BBS9: variants seen among roughly 807,000 people sequenced by gnomAD.
BBS9 encodes the protein protein PTHB1.
BBS9 carries 89 observed loss-of-function variants against 117.7 expected under a neutral mutation model. That is an observed-to-expected ratio of 0.76 (90% CI 0.64 to 0.90). The LOEUF (loss-of-function observed/expected upper bound fraction) is 0.90. Ranked by LOEUF, BBS9 falls within the 40% of genes least tolerant of loss-of-function variation. The pLI is 0.00. For synonymous variants in BBS9, 379 were observed against 370.9 expected, an observed-to-expected ratio of 1.02 and a Z score of -0.25; for missense variants, 982 against 1,042.2, an observed-to-expected ratio of 0.94 and a Z score of 0.80.
chr7:33,397,984 T>C (rs1437533107), intron 19 of BBS9, among the ~76,000 whole-genome samples: 1 of 151,830 alleles, frequency 6.6e-6, no homozygotes, highest in Non-Finnish European at 1.5e-5. Context: ...AAAATAATAG[T>C]TGAAGAAAAA....
At chr7:33,527,453 C>T (rs1409240343) in intron 20 of BBS9, among the ~76,000 whole-genome samples, 15 of 152,086 alleles carry the variant, frequency 9.9e-5, no homozygotes, top group Non-Finnish European at 1.6e-4. Context: ...TCTCGTGGTG[C>T]GCCGTTTTTT....
intron 21 of BBS9, among the ~76,000 whole-genome samples, chr7:33,555,718 T>G (rs1585240352): frequency 6.6e-6 from 1 of 152,182 alleles, no homozygotes; most frequent in South Asian, 2.1e-4. Context: ...CAAGAAGACA[T>G]CTTTGGAAAA....
intron 4 of BBS9, among the ~76,000 whole-genome samples, chr7:33,176,426 T>A (rs1435390101): frequency 6.6e-6 from 1 of 152,212 alleles, no homozygotes; most frequent in African/African-American, 2.4e-5. Context: ...AAAGTCTGGT[T>A]TGAATACTCA....
chr7:33,389,687 T>TAAAAAAAAAA lies in BBS9; in HGVS notation c.2115+1562_2115+1571dup, dbSNP rs5883400. On this transcript the variant is annotated intron_variant, in intron 19 of 22. Transcript: ENST00000242067. The stretch of plus-strand genomic sequence containing the variant: ...CTGGGTGACAGAGCAAGACTCCATC[T>TAAAAAAAAAA]AAAAAAAAAAAAAAAAAAAAAAAAA... Among the ~76,000 whole-genome samples the TAAAAAAAAAA allele has an allele frequency of 5.4e-5, 5 of 91,968 alleles. 1 individual carries two copies. Among genetic ancestry groups the TAAAAAAAAAA allele is most frequent in the African/African-American group, 2.3e-4 (5 of 22,030 alleles). The allele number at this position is 91,968 out of a possible 152,430, so 60.3% of individuals were successfully genotyped here.
At chr7:33,471,836 T>C (rs748596002) in intron 19 of BBS9, among the ~76,000 whole-genome samples, 1 of 152,192 alleles carries the variant, frequency 6.6e-6, no homozygotes, top group Non-Finnish European at 1.5e-5. Flanking sequence ...TTCAAAACCA[T>C]GAACTGCCAC....
intron 20 of BBS9, among the ~76,000 whole-genome samples, chr7:33,530,579 T>C (rs1163005238): frequency 6.6e-6 from 1 of 152,250 alleles, no homozygotes; most frequent in Non-Finnish European, 1.5e-5. Flanking sequence ...TCTCCAGTGA[T>C]GTCTGGGTTA....
chr7:33,143,264 C>T (rs761768425), intron 1 of BBS9, among the ~76,000 whole-genome samples: 11 of 152,094 alleles, frequency 7.2e-5, no homozygotes, highest in African/African-American at 1.4e-4. Flanking sequence ...CCACTGTGCC[C>T]GGCCCTATGT....
At chr7:33,132,789 C>T (rs781579282) in intron 1 of BBS9, among the ~76,000 whole-genome samples, 2 of 152,060 alleles carry the variant, frequency 1.3e-5, no homozygotes, top group African/African-American at 2.4e-5. Context: ...GATTGGAATA[C>T]AGATTAGCAT....
chr7:33,344,671 A>G (rs1440289736), intron 12 of BBS9, 37 bp downstream of exon 12: 1 of 1,579,170 alleles, frequency 6.3e-7, no homozygotes, highest in Non-Finnish European at 8.7e-7. Context: ...TGTGCAAACA[A>G]TATGATTTAT....
At chr7:33,440,731 G>A (rs1836040644) in intron 19 of BBS9, among the ~76,000 whole-genome samples, 2 of 152,172 alleles carry the variant, frequency 1.3e-5, no homozygotes, top group African/African-American at 4.8e-5. Context: ...TTTTGAATAT[G>A]GAAAAATTTC....
chr7:33,346,865 G>C (rs954888368), intron 12 of BBS9, among the ~76,000 whole-genome samples: 1 of 152,174 alleles, frequency 6.6e-6, no homozygotes, highest in South Asian at 2.1e-4. Flanking sequence ...ACTTAAAACT[G>C]AGTTCTCATA....
chr7:33,187,604 T>C (rs1783333131), intron 5 of BBS9, among the ~76,000 whole-genome samples: 1 of 152,206 alleles, frequency 6.6e-6, no homozygotes, highest in Non-Finnish European at 1.5e-5. Flanking sequence ...GTTAGTTTTC[T>C]TGGAATAGAC....
At chr7:33,284,969 A>G (rs1178188716) in intron 9 of BBS9, among the ~76,000 whole-genome samples, 1 of 152,194 alleles carries the variant, frequency 6.6e-6, no homozygotes. Context: ...TACCAAGTAC[A>G]TCTTACTTTG....
intron 19 of BBS9, among the ~76,000 whole-genome samples, chr7:33,458,124 CTTT>C (rs1390751804): frequency 6.6e-6 from 1 of 152,074 alleles, no homozygotes; most frequent in Non-Finnish European, 1.5e-5. Context: ...ACTCTGTGCA[CTTT>C]TTTGTTTTTT....
intron 21 of BBS9, among the ~76,000 whole-genome samples, chr7:33,558,258 A>G (rs887598172): frequency 6.6e-6 from 1 of 152,198 alleles, no homozygotes; most frequent in South Asian, 2.1e-4. Context: ...GATCATTACT[A>G]ACTGTTGTAA....
chr7:33,300,938 T>A (rs2128423596), intron 9 of BBS9, among the ~76,000 whole-genome samples: 1 of 152,278 alleles, frequency 6.6e-6, no homozygotes, highest in Non-Finnish European at 1.5e-5. Flanking sequence ...TTTTGCTGGG[T>A]ATAGAATTTT....
At chr7:33,333,093 C>G (rs10951386) in intron 9 of BBS9, among the ~76,000 whole-genome samples, 121,228 of 152,018 alleles carry the variant, frequency 0.8, 48,579 homozygotes, top group Admixed American at 0.84. Flanking sequence ...TTAGAGTACA[C>G]GTGGTTTTTG....
intron 21 of BBS9, among the ~76,000 whole-genome samples, chr7:33,615,559 C>T (rs1164577575): frequency 1.3e-5 from 2 of 151,914 alleles, no homozygotes; most frequent in African/African-American, 4.8e-5. Context: ...AAAAAAAATA[C>T]TGGAACAAAT....
At chr7:33,381,733 G>A (rs1461831982) in intron 17 of BBS9, among the ~76,000 whole-genome samples, 1 of 152,154 alleles carries the variant, frequency 6.6e-6, no homozygotes, top group African/African-American at 2.4e-5. Flanking sequence ...GAATAAGACT[G>A]GGGTGAAGGG....
Sources: allele counts gnomAD v4.1 joint callset (sites outside exome capture counted in the v4.1 genomes callset), GRCh38; gene constraint gnomAD v4.1.1; transcripts MANE v1.5; gene names NCBI Gene and HGNC (gene_info 2026-07-23, HGNC 2026-07-21).